TRAPPC9: variants seen among roughly 807,000 people sequenced by gnomAD.
The protein encoded by TRAPPC9 is trafficking protein particle complex subunit 9.
Under a neutral mutation model 124.0 loss-of-function variants are expected in TRAPPC9, and 83 were observed. The ratio of observed to expected loss-of-function variants is 0.67; its 90% CI spans 0.56 to 0.80. TRAPPC9 has a LOEUF of 0.80. Among genes scored for constraint, TRAPPC9 ranks in the 30% least tolerant of loss-of-function variants. The pLI, the probability that TRAPPC9 is intolerant of heterozygous loss-of-function variation, is 0.00. For missense variants in TRAPPC9, 1,302 were observed against 1,508.3 expected (o/e 0.86, Z 2.27); for synonymous variants, 638 against 617.5 (o/e 1.03, Z -0.49).
At chr8:140,265,955 G>T (rs548750213) in intron 15 of TRAPPC9, among the ~76,000 whole-genome samples, 62 of 152,250 alleles carry the variant, frequency 4.1e-4, no homozygotes, top group Middle Eastern at 3.4e-3. Flanking sequence ...TTAAACAGAA[G>T]AATGAAGAAA....
intron 17 of TRAPPC9, among the ~76,000 whole-genome samples, chr8:140,035,003 C>T (rs1290001040): frequency 6.6e-6 from 1 of 152,216 alleles, no homozygotes; most frequent in Non-Finnish European, 1.5e-5. Flanking sequence ...GGCCTTGGTG[C>T]TAAATGCTGC....
intron 6 of TRAPPC9, among the ~76,000 whole-genome samples, chr8:140,403,900 T>C (rs1357007022): frequency 6.6e-6 from 1 of 151,986 alleles, no homozygotes; most frequent in Admixed American, 6.6e-5. Context: ...TCAGGCAATC[T>C]GCCTATATCA....
chr8:139,962,930 T>A (rs370014139), intron 19 of TRAPPC9, among the ~76,000 whole-genome samples: 30 of 152,240 alleles, frequency 2.0e-4, no homozygotes, highest in Non-Finnish European at 3.8e-4. Context: ...AGGGAACAGA[T>A]TCCCCCCAGG....
intron 19 of TRAPPC9, among the ~76,000 whole-genome samples, chr8:139,976,251 G>A (rs1223174123): frequency 6.6e-6 from 1 of 151,962 alleles, no homozygotes; most frequent in South Asian, 2.1e-4. Context: ...CATAAGAAAA[G>A]CTTTCACCTC....
chr8:139,906,600 G>A (rs1587164119), intron 20 of TRAPPC9, among the ~76,000 whole-genome samples: 2 of 152,088 alleles, frequency 1.3e-5, no homozygotes, highest in East Asian at 1.9e-4. Flanking sequence ...GAAGGAGAGA[G>A]GAAGGGACAG....
rs56722497 is a variant in TRAPPC9, at chr8:139,851,352, AGACC to A, written c.3055+34523_3055+34526del. ...ACTTTCAACTGGAATTCAGGAGCTC[AGACC>A]CACAGCAACTCAAAAGATAGATGCT... On this transcript the variant is annotated intron_variant, in intron 21 of 22. Transcript: ENST00000438773. Among the ~76,000 whole-genome samples, 419 of 152,334 alleles carry A rather than the reference AGACC, an allele frequency of 2.8e-3. 3 individuals carry two copies. Among genetic ancestry groups the A allele is most frequent in the African/African-American group, 9.9e-3 (412 of 41,572 alleles).
chr8:140,227,236 C>G (rs1242122399), intron 16 of TRAPPC9, among the ~76,000 whole-genome samples: 1 of 152,024 alleles, frequency 6.6e-6, no homozygotes, highest in Non-Finnish European at 1.5e-5. Flanking sequence ...GGAAGGATCT[C>G]TCTCCAGCTG....
chr8:139,785,875 T>C (rs1418032493), intron 21 of TRAPPC9, among the ~76,000 whole-genome samples: 4 of 152,226 alleles, frequency 2.6e-5, no homozygotes, highest in African/African-American at 9.6e-5. Flanking sequence ...AGGACTTATA[T>C]ACACAATATA....
chr8:139,732,809 G>A (rs965847479), intron 21 of TRAPPC9, among the ~76,000 whole-genome samples: 11 of 152,208 alleles, frequency 7.2e-5, no homozygotes, highest in Non-Finnish European at 1.5e-4. Context: ...CAGAACAGGT[G>A]CTCAGGGAAG....
intron 17 of TRAPPC9, among the ~76,000 whole-genome samples, chr8:140,213,766 C>T (rs2063122541): frequency 6.6e-6 from 1 of 152,226 alleles, no homozygotes; most frequent in South Asian, 2.1e-4. Flanking sequence ...TAAGGGAGGC[C>T]TGGCCCCGCC....
chr8:140,289,720 T>C (rs1476749844), intron 12 of TRAPPC9, among the ~76,000 whole-genome samples: 3 of 152,094 alleles, frequency 2.0e-5, no homozygotes, highest in South Asian at 2.1e-4. Context: ...CAGCAGGCAT[T>C]TGATACTTTA....
At chr8:140,388,054 T>C (rs564400332) in intron 7 of TRAPPC9, among the ~76,000 whole-genome samples, 53 of 151,828 alleles carry the variant, frequency 3.5e-4, no homozygotes, top group Non-Finnish European at 6.3e-4. Context: ...TAAAAAAGGA[T>C]GAGTTCATGT....
chr8:139,967,093 T>G (rs1056067977), intron 19 of TRAPPC9, among the ~76,000 whole-genome samples: 24 of 152,170 alleles, frequency 1.6e-4, no homozygotes, highest in African/African-American at 5.8e-4. Flanking sequence ...TCAGGGCCCC[T>G]TCCTACAGGA....
At chr8:139,736,910 G>A (rs1563773244) in intron 21 of TRAPPC9, among the ~76,000 whole-genome samples, 1 of 152,208 alleles carries the variant, frequency 6.6e-6, no homozygotes, top group African/African-American at 2.4e-5. Context: ...ACCCTGCTGA[G>A]CAGGGCTGCA....
At chr8:140,451,489 G>A in intron 1 of TRAPPC9, 106 bp from the exon 2 acceptor site, 2 of 968,014 alleles carry the variant, frequency 2.1e-6, no homozygotes, top group South Asian at 1.4e-5. Flanking sequence ...GGCAGGGGAA[G>A]CCCCAAGGAA....
intron 15 of TRAPPC9, among the ~76,000 whole-genome samples, chr8:140,262,418 A>G (rs925746241): frequency 6.6e-6 from 1 of 152,092 alleles, no homozygotes; most frequent in South Asian, 2.1e-4. Flanking sequence ...AAGGCATTTC[A>G]CTTTGTCTTA....
chr8:140,144,776 C>T (rs925712115), intron 17 of TRAPPC9, among the ~76,000 whole-genome samples: 8 of 150,518 alleles, frequency 5.3e-5, no homozygotes, highest in African/African-American at 2.0e-4. Context: ...TGTGAGCCAC[C>T]GCACCCAGCT....
At chr8:140,413,422 T>G (rs1396120596) in intron 5 of TRAPPC9, among the ~76,000 whole-genome samples, 1 of 151,370 alleles carries the variant, frequency 6.6e-6, no homozygotes, top group Admixed American at 6.6e-5. Context: ...ATAGTCATCA[T>G]CTGGACACCA....
At chr8:139,745,294 A>C (rs894869695) in intron 21 of TRAPPC9, among the ~76,000 whole-genome samples, 1 of 152,242 alleles carries the variant, frequency 6.6e-6, no homozygotes, top group Non-Finnish European at 1.5e-5. Context: ...CCCCTTCGGA[A>C]GCCAGAGCTT....
Sources: allele counts gnomAD v4.1 joint callset (sites outside exome capture counted in the v4.1 genomes callset), GRCh38; gene constraint gnomAD v4.1.1; transcripts MANE v1.5; gene names NCBI Gene and HGNC (gene_info 2026-07-23, HGNC 2026-07-21).